The following ATP8A2 variants were observed in gnomAD, a reference collection of about 807,000 sequenced individuals.
ATP8A2 encodes the protein ATPase phospholipid transporting 8A2.
In ATP8A2, 100 loss-of-function variants were observed where a neutral mutation model predicts 165.6. That is an observed-to-expected ratio of 0.60 (90% CI 0.51 to 0.71). ATP8A2 has a LOEUF of 0.71. Among genes scored for constraint, ATP8A2 ranks in the 30% least tolerant of loss-of-function variants. ATP8A2 has a pLI of 0.00. For missense variants in ATP8A2, 1,227 were observed against 1,479.5 expected, an observed-to-expected ratio of 0.83 and a Z score of 2.80; for synonymous variants, 543 against 548.8, an observed-to-expected ratio of 0.99 and a Z score of 0.15.
At chr13:25,835,167 C>T (rs143405478) in intron 28 of ATP8A2, among the ~76,000 whole-genome samples, 71 of 152,240 alleles carry the variant, frequency 4.7e-4, no homozygotes, top group African/African-American at 1.5e-3. Flanking sequence ...CACATGTACA[C>T]ATGGATGCAG....
At chr13:25,947,308 A>G (rs1164964987) in intron 33 of ATP8A2, among the ~76,000 whole-genome samples, 1 of 152,168 alleles carries the variant, frequency 6.6e-6, no homozygotes, top group East Asian at 1.9e-4. Context: ...TCTTTCTGTT[A>G]TGTGATTTCC....
At chr13:25,425,016 TC>T (rs1206149077) in intron 1 of ATP8A2, among the ~76,000 whole-genome samples, 1 of 152,220 alleles carries the variant, frequency 6.6e-6, no homozygotes, top group Admixed American at 6.5e-5. Context: ...CTGCAAGTTT[TC>T]CTGATAGATC....
At chr13:25,817,357 G>C (rs1038453582) in intron 27 of ATP8A2, among the ~76,000 whole-genome samples, 1 of 125,648 alleles carries the variant, frequency 8.0e-6, no homozygotes, top group East Asian at 3.0e-4. Flanking sequence ...TTATGGGGGG[G>C]GGGGGAAACA....
chr13:25,641,442 G>A (rs979561178), intron 24 of ATP8A2, among the ~76,000 whole-genome samples: 3 of 152,120 alleles, frequency 2.0e-5, no homozygotes, highest in African/African-American at 4.8e-5. Context: ...AAAATCACAA[G>A]CATTCCTATA....
chr13:25,510,306 C>T (rs975224117), intron 2 of ATP8A2, among the ~76,000 whole-genome samples: 3 of 151,782 alleles, frequency 2.0e-5, no homozygotes, highest in African/African-American at 7.3e-5. Context: ...AGAAGATGAC[C>T]CCTTGGGCTA....
rs147336142 is a variant in ATP8A2 at position 25,407,292 on chromosome 13, G to C, written c.76+35004G>C. ...GCTTCATCATTTGGCTTCTTTCCCAGCCTGTACCCAGAATCTTGAGGAAGA... is the reference window on the plus strand; with the variant it reads ...GCTTCATCATTTGGCTTCTTTCCCACCCTGTACCCAGAATCTTGAGGAAGA... On this transcript the variant is annotated intron_variant, in intron 1 of 36. Coordinates refer to ENST00000381655, the MANE Select transcript of ATP8A2 (RefSeq NM_016529.6). Among the ~76,000 whole-genome samples, 534 of 152,320 alleles carry C rather than the reference G, an allele frequency of 3.5e-3. 3 individuals carry two copies. Among genetic ancestry groups the C allele is most frequent in the African/African-American group, 0.012 (510 of 41,572 alleles).
Position 25,571,652 on chromosome 13 carries a change from T to A in ATP8A2, c.1622T>A (p.Val541Asp). The change falls in exon 18 of 37, where the codon GTC becomes GAC. Residue 541 changes from valine (V) to aspartate (D), a missense_variant. Coordinates refer to ENST00000381655, the MANE Select transcript of ATP8A2 (RefSeq NM_016529.6). ...LVKGAKKLGF[V>D]FTARTPFSVI... ...AAAGGAGCTAAAAAGCTGGGCTTTGTCTTCACAGCCAGAACACCATTCTCA... is the reference window on the plus strand; with the variant it reads ...AAAGGAGCTAAAAAGCTGGGCTTTGACTTCACAGCCAGAACACCATTCTCA... The A allele has an allele frequency of 6.2e-7, 1 of 1,614,118 alleles. No individual in the cohort carries two copies. Among genetic ancestry groups the A allele is most frequent in the Non-Finnish European group, 8.5e-7 (1 of 1,179,990 alleles).
At chr13:25,777,256 T>G (rs758749320) in intron 27 of ATP8A2, among the ~76,000 whole-genome samples, 3 of 152,178 alleles carry the variant, frequency 2.0e-5, no homozygotes, top group Non-Finnish European at 4.4e-5. Context: ...GCAAAATCCT[T>G]GACCGAGCCT....
At chr13:25,498,987 A>G (rs1200578831) in intron 2 of ATP8A2, among the ~76,000 whole-genome samples, 1 of 152,202 alleles carries the variant, frequency 6.6e-6, no homozygotes, top group African/African-American at 2.4e-5. Context: ...TAATCAGTAC[A>G]TAGGAGGAAA....
chr13:25,565,576 GTT>G (rs1471982976), intron 16 of ATP8A2, among the ~76,000 whole-genome samples: 4 of 152,062 alleles, frequency 2.6e-5, no homozygotes, highest in Non-Finnish European at 5.9e-5. Flanking sequence ...TGATGAGATT[GTT>G]TGTTTTTTTC....
chr13:25,702,476 T>G (rs903924796), intron 25 of ATP8A2, among the ~76,000 whole-genome samples: 1 of 152,214 alleles, frequency 6.6e-6, no homozygotes, highest in Non-Finnish European at 1.5e-5. Flanking sequence ...TAATTTACTT[T>G]GTATCTGGCA....
At chr13:25,922,469 T>C (rs1448197753) in intron 33 of ATP8A2, among the ~76,000 whole-genome samples, 1 of 152,224 alleles carries the variant, frequency 6.6e-6, no homozygotes, top group East Asian at 1.9e-4. Context: ...AGTTGACAAC[T>C]ATCACACTAT....
rs1477717255 is a variant in ATP8A2 at position 25,953,881 on chromosome 13, G to A, written c.3184-7694G>A. Reference sequence around the variant, plus strand: ...TGCAGACCAGGAGATTCCCTCCGGTGCCTACATCACCAGGGCCCTGGGTTT... The same window carrying A: ...TGCAGACCAGGAGATTCCCTCCGGTACCTACATCACCAGGGCCCTGGGTTT... On this transcript the variant is annotated intron_variant, in intron 33 of 36. Coordinates refer to ENST00000381655, the MANE Select transcript of ATP8A2 (RefSeq NM_016529.6). This position sits in a 1 kb window ranked among gnomAD's most constrained non-coding sequence, Gnocchi z 6.7. 1.3e-5 allele frequency among the ~76,000 whole-genome samples: 2 copies of A among 152,156 alleles called. No homozygotes were observed. Among genetic ancestry groups the A allele is most frequent in the Non-Finnish European group, 2.9e-5 (2 of 68,040 alleles).
intron 25 of ATP8A2, among the ~76,000 whole-genome samples, chr13:25,762,891 C>G (rs1208442725): frequency 6.6e-6 from 1 of 152,096 alleles, no homozygotes; most frequent in Non-Finnish European, 1.5e-5. Flanking sequence ...ATTCTTAAAA[C>G]TTTTATGTCA....
chr13:25,678,271 G>A (rs2137791007), intron 24 of ATP8A2, among the ~76,000 whole-genome samples: 1 of 152,294 alleles, frequency 6.6e-6, no homozygotes, highest in Non-Finnish European at 1.5e-5. Context: ...ACAGAGTTCT[G>A]TGTCTCAGGC....
chr13:25,966,122 A>G (rs1290483760), intron 34 of ATP8A2, among the ~76,000 whole-genome samples: 1 of 151,824 alleles, frequency 6.6e-6, no homozygotes, highest in Non-Finnish European at 1.5e-5. Flanking sequence ...CCTTAGGTAT[A>G]TCTGAAGACC....
At chr13:25,611,318 C>T (rs756261843) in intron 24 of ATP8A2, among the ~76,000 whole-genome samples, 1 of 151,900 alleles carries the variant, frequency 6.6e-6, no homozygotes, top group African/African-American at 2.4e-5. Context: ...AGGTATGTCC[C>T]TTGTATGCCG....
At chr13:25,887,473 G>A (rs1210016123) in intron 33 of ATP8A2, among the ~76,000 whole-genome samples, 2 of 152,058 alleles carry the variant, frequency 1.3e-5, no homozygotes, top group South Asian at 2.1e-4. Context: ...CAAGTAGCTG[G>A]GATTACAGGC....
intron 1 of ATP8A2, among the ~76,000 whole-genome samples, chr13:25,465,711 CTTTCTTTCTTTCTTTCTTTCTTTCTT>C (rs2035631427): frequency 2.8e-4 from 6 of 21,380 alleles, no homozygotes; most frequent in African/African-American, 6.5e-4. Flanking sequence ...TTCTTTCTTT[CTTTCTTTCTTTCTTTCTTTCTTTCTT>C]TCCCTCCCTC....
Sources: allele counts gnomAD v4.1 joint callset (sites outside exome capture counted in the v4.1 genomes callset), GRCh38; gene constraint gnomAD v4.1.1; non-coding constraint Gnocchi (gnomAD v3.1); transcripts MANE v1.5; gene names NCBI Gene and HGNC (gene_info 2026-07-23, HGNC 2026-07-21).